The following KCNK2 variants were observed in gnomAD, a reference collection of about 807,000 sequenced individuals.
The protein encoded by KCNK2 is potassium channel subfamily K member 2.
KCNK2 carries 21 observed loss-of-function variants against 40.5 expected under a neutral mutation model. The ratio of observed to expected loss-of-function variants is 0.52; its 90% confidence interval spans 0.37 to 0.75. The LOEUF is 0.75. KCNK2 is among the 30% of genes least tolerant of loss of function. The probability of loss-of-function intolerance (pLI) is 0.00; values close to 1 mark genes in which losing one functional copy is unlikely to be tolerated. For missense variants in KCNK2, 399 were observed against 531.6 expected, an observed-to-expected ratio of 0.75 and a Z score of 2.45; for synonymous variants, 191 against 202.2, an observed-to-expected ratio of 0.94 and a Z score of 0.47.
chr1:215,230,092 T>TATACACACAC (rs1198375667), intron 6 of KCNK2, among the ~76,000 whole-genome samples: 17 of 141,242 alleles, frequency 1.2e-4, no homozygotes, highest in South Asian at 2.3e-4. Context: ...TGTGTGTGTA[T>TATACACACAC]ACACACACAC....
chr1:215,167,047 C>T (rs1375428561), intron 3 of KCNK2, among the ~76,000 whole-genome samples: 1 of 151,780 alleles, frequency 6.6e-6, no homozygotes, highest in Non-Finnish European at 1.5e-5. Context: ...GCAATGAACA[C>T]GGAATTGACT....
At chr1:215,015,414 T>G (rs1656550652) in intron 1 of KCNK2, among the ~76,000 whole-genome samples, 2 of 152,170 alleles carry the variant, frequency 1.3e-5, no homozygotes, top group African/African-American at 4.8e-5. Context: ...CCATTTTTCT[T>G]GTCAACTTTT....
intron 1 of KCNK2, among the ~76,000 whole-genome samples, chr1:215,038,189 C>CT (rs1360122537): frequency 6.6e-6 from 1 of 152,024 alleles, no homozygotes; most frequent in African/African-American, 2.4e-5. Context: ...ACATTGTAGA[C>CT]TCACCAGTCC....
intron 1 of KCNK2, among the ~76,000 whole-genome samples, chr1:215,053,514 A>G (rs1479263411): frequency 6.6e-6 from 1 of 152,240 alleles, no homozygotes; most frequent in Admixed American, 6.5e-5. Flanking sequence ...AAGATGTTAA[A>G]TGTACAAGAT....
At chr1:215,100,470 C>T (rs965287277) in intron 2 of KCNK2, among the ~76,000 whole-genome samples, 5 of 151,910 alleles carry the variant, frequency 3.3e-5, no homozygotes, top group African/African-American at 1.2e-4. Context: ...ATGCCTGCAA[C>T]CTAGGTGTTT....
chr1:215,200,863 C>T (rs140192938), intron 6 of KCNK2, among the ~76,000 whole-genome samples: 35 of 152,194 alleles, frequency 2.3e-4, no homozygotes, highest in African/African-American at 7.2e-4. Flanking sequence ...AGAGATTTTG[C>T]GTAAATTGGA....
chr1:215,168,461 C>T lies in KCNK2; in HGVS notation c.476-738C>T, dbSNP rs554276088. 8.5e-5 allele frequency among the ~76,000 whole-genome samples: 13 copies of T among 152,302 alleles called. No individual in the cohort carries two copies. In the South Asian group the frequency reaches 2.5e-3, roughly 29 times the overall value. ...AAGTCATGGAACCAACCTAAATCCC[C>T]ATCAATGATAGACTGGATAAGGAAA... On this transcript the variant is annotated intron_variant, in intron 3 of 6. Coordinates refer to ENST00000444842, the MANE Select transcript of KCNK2 (RefSeq NM_001017425.3).
At chr1:215,039,935 A>T (rs1027999889) in intron 1 of KCNK2, among the ~76,000 whole-genome samples, 16 of 152,162 alleles carry the variant, frequency 1.1e-4, no homozygotes, top group African/African-American at 3.4e-4. Flanking sequence ...GTGATTTACA[A>T]TTAACTGGAG....
In KCNK2 at chr1:215,201,959, T is replaced by C. The variant is rs1665097005; in HGVS notation, c.963+6867T>C. ...ACTTTGTAATTATTGCTTTGATTTC[T>C]ATCATATTGTAGGGCAGGGGGGCAA... On this transcript the variant is annotated intron_variant, in intron 6 of 6. Coordinates refer to ENST00000444842, the MANE Select transcript of KCNK2 (RefSeq NM_001017425.3). Among the ~76,000 whole-genome samples the C allele has an allele frequency of 2.0e-5, 3 of 152,206 alleles. No homozygotes were observed. In the South Asian group the frequency reaches 6.2e-4, roughly 31 times the overall value.
chr1:215,043,862 T>C (rs1236632402), intron 1 of KCNK2, among the ~76,000 whole-genome samples: 1 of 152,152 alleles, frequency 6.6e-6, no homozygotes, highest in African/African-American at 2.4e-5. Flanking sequence ...AACAAAAAGT[T>C]AGATTCTTCC....
At chr1:215,219,703 T>C (rs1221848043) in intron 6 of KCNK2, among the ~76,000 whole-genome samples, 2 of 152,240 alleles carry the variant, frequency 1.3e-5, no homozygotes, top group Non-Finnish European at 2.9e-5. Flanking sequence ...TGAGATTTTA[T>C]GTTTATCCCT....
chr1:215,103,611 C>T (rs1200493367), intron 2 of KCNK2, among the ~76,000 whole-genome samples: 4 of 151,800 alleles, frequency 2.6e-5, no homozygotes, highest in Non-Finnish European at 5.9e-5. Context: ...TTTAAGCAGG[C>T]CTAAAAATCT....
chr1:215,017,126 T>G (rs1656620879), intron 1 of KCNK2, among the ~76,000 whole-genome samples: 1 of 152,160 alleles, frequency 6.6e-6, no homozygotes, highest in South Asian at 2.1e-4. Context: ...AAGGGAACTC[T>G]TACACACTGT....
chr1:215,084,044 T>TA (rs1659311443), intron 1 of KCNK2, among the ~76,000 whole-genome samples: 1 of 152,208 alleles, frequency 6.6e-6, no homozygotes, highest in Non-Finnish European at 1.5e-5. Context: ...TTTTATTTTT[T>TA]AAAAATATTA....
intron 6 of KCNK2, among the ~76,000 whole-genome samples, chr1:215,231,352 A>T (rs2102713296): frequency 6.6e-6 from 1 of 152,302 alleles, no homozygotes; most frequent in East Asian, 1.9e-4. Context: ...GGCAATAAAT[A>T]TTATGCAATA....
At chr1:215,061,481 T>C (rs1272950670) in intron 1 of KCNK2, among the ~76,000 whole-genome samples, 1 of 152,166 alleles carries the variant, frequency 6.6e-6, no homozygotes, top group African/African-American at 2.4e-5. Flanking sequence ...GACTATCACA[T>C]GTTTCTGGGT....
chr1:215,073,153 T>G (rs1181117872), intron 1 of KCNK2, among the ~76,000 whole-genome samples: 1 of 152,044 alleles, frequency 6.6e-6, no homozygotes, highest in Admixed American at 6.6e-5. Flanking sequence ...CACCAAGGAT[T>G]GCTGGTAAGC....
chr1:215,060,369 C>G (rs1206241235), intron 1 of KCNK2, among the ~76,000 whole-genome samples: 1 of 152,154 alleles, frequency 6.6e-6, no homozygotes, highest in Admixed American at 6.5e-5. Flanking sequence ...TGATTCTATC[C>G]TCCTGCCACC....
At chr1:215,214,539 A>G (rs1339790750) in intron 6 of KCNK2, among the ~76,000 whole-genome samples, 1 of 152,138 alleles carries the variant, frequency 6.6e-6, no homozygotes, top group Non-Finnish European at 1.5e-5. Flanking sequence ...TCACAAAGCA[A>G]TCATGGCCAG....
Sources: allele counts gnomAD v4.1 joint callset (sites outside exome capture counted in the v4.1 genomes callset), GRCh38; gene constraint gnomAD v4.1.1; transcripts MANE v1.5; gene names NCBI Gene and HGNC (gene_info 2026-07-23, HGNC 2026-07-21).